The following ACAT2 variants were observed in gnomAD, a reference collection of about 807,000 sequenced individuals.
The protein encoded by ACAT2 is acetyl-CoA acetyltransferase 2.
In ACAT2, 26 loss-of-function variants were observed where a neutral mutation model predicts 37.1. That is an observed-to-expected ratio of 0.70 (90% CI 0.51 to 0.97). The LOEUF is 0.97. ACAT2 is among the 50% of genes least tolerant of loss of function. ACAT2 has a pLI of 0.00. For synonymous variants in ACAT2, 156 were observed against 163.6 expected, an observed-to-expected ratio of 0.95 and a Z score of 0.35; for missense variants, 468 against 489.0, an observed-to-expected ratio of 0.96 and a Z score of 0.40.
rs1562480029 is a variant in ACAT2, at chr6:159,777,335, TG to T, written c.792del (p.Met264IlefsTer14). The T allele has an allele frequency of 7.4e-6, 12 of 1,613,852 alleles. No homozygotes were observed. The highest frequency in any genetic ancestry group is 1.0e-5 in the Non-Finnish European group (12 of 1,179,920). On this transcript the variant is annotated frameshift_variant, in exon 7 of 9. Transcript: ENST00000367048. LOFTEE classifies it high-confidence loss of function. ...INDGAAAVVL[M>X]KKSEADKRGL... ...GATGGTGCTGCAGCTGTCGTTCTTA[TG>T]AAGAAGTCAGAAGCTGATAAACGTG...
intron 4 of ACAT2, among the ~76,000 whole-genome samples, chr6:159,771,890 G>A (rs1780342618): frequency 6.6e-6 from 1 of 152,030 alleles, no homozygotes; most frequent in Admixed American, 6.6e-5. Context: ...CTGCATTCCA[G>A]TCTGGTTAAC....
chr6:159,766,866 TGCCTCCAG>T, intron 2 of ACAT2, 131 bp from the exon 3 acceptor site: 1 of 898,584 alleles, frequency 1.1e-6, no homozygotes. Flanking sequence ...CAGGCCTTTT[TGCCTCCAG>T]TGGGCACTTA....
At chr6:159,775,341 C>A in intron 5 of ACAT2, 28 bp downstream of exon 5, 1 of 1,600,216 alleles carries the variant, frequency 6.2e-7, no homozygotes. Flanking sequence ...GTTTAAACAT[C>A]AACCTATTTA....
chr6:159,775,098 T>C (rs910357883), intron 4 of ACAT2, 72 bp from the exon 5 acceptor site: 2 of 1,542,998 alleles, frequency 1.3e-6, no homozygotes, highest in African/African-American at 2.7e-5. Context: ...CTTGGTCAAA[T>C]GTGGACGACT....
At chr6:159,769,706 A>G (rs942937452) in intron 4 of ACAT2, among the ~76,000 whole-genome samples, 7 of 152,222 alleles carry the variant, frequency 4.6e-5, no homozygotes, top group Admixed American at 1.3e-4. Flanking sequence ...TACCCAGGGC[A>G]CTTCCCAAAC....
At chr6:159,768,392 G>C (rs999662958) in intron 3 of ACAT2, 119 bp from the exon 4 acceptor site, 1 of 742,724 alleles carries the variant, frequency 1.3e-6, no homozygotes, top group Non-Finnish European at 2.3e-6. Flanking sequence ...GAACTGGGGA[G>C]AAGGGCTGCA....
intron 3 of ACAT2, 125 bp from the exon 4 acceptor site, chr6:159,768,384 ACT>A (rs1190061916): frequency 1.4e-6 from 1 of 709,732 alleles, no homozygotes; most frequent in African/African-American, 1.8e-5. Flanking sequence ...AGGACCTAGA[ACT>A]GGGGAGAAGG....
chr6:159,763,588 T>A (rs1001181003), intron 2 of ACAT2, among the ~76,000 whole-genome samples: 1 of 145,276 alleles, frequency 6.9e-6, no homozygotes, highest in Non-Finnish European at 1.5e-5. Flanking sequence ...TGAATGAACT[T>A]AGACCACTGA....
At position 159,775,488 on chromosome 6, in the gene ACAT2, G is replaced by A. The variant is rs559947141; in HGVS notation, c.634+175G>A. 94 of 696,778 alleles carry A rather than the reference G, an allele frequency of 1.3e-4. 1 individual carries two copies. In the South Asian group the frequency reaches 1.9e-3, roughly 14 times the overall value. The allele number at this position is 696,778 out of a possible 1,614,324, so 43.2% of individuals were successfully genotyped here. A position where few individuals can be genotyped will look rare whatever the true frequency, so the allele number is the denominator to read the frequency against. On this transcript the variant is annotated intron_variant, in intron 5 of 8. Coordinates refer to ENST00000367048, the MANE Select transcript of ACAT2 (RefSeq NM_005891.3). ...GGGTATGCTGGGTTTACAGGACACG[G>A]TAACATGGGACCTATGTCAGCACTC...
intron 7 of ACAT2, among the ~76,000 whole-genome samples, 153 bp from the exon 8 acceptor site, chr6:159,778,017 A>G (rs1362376736): frequency 2.6e-5 from 4 of 152,230 alleles, no homozygotes; most frequent in African/African-American, 9.6e-5. Flanking sequence ...CACTAAGGCA[A>G]AAATGTGTGA....
chr6:159,775,219 G>T lies in ACAT2; in HGVS notation c.540G>T (p.Lys180Asn). The T allele has an allele frequency of 6.2e-7, 1 of 1,614,180 alleles. No homozygotes were observed. Among genetic ancestry groups the T allele is most frequent in the East Asian group, 2.2e-5 (1 of 44,878 alleles). ...AAGTGAGTAGAGAAGATCAGGACAA[G>T]GTTGCAGTTCTGTCCCAGAACAGGA... The part of the protein sequence containing the change: ...KWQVSREDQD[K>N]VAVLSQNRTE... The change falls in exon 5 of 9, where the codon AAG becomes AAT. Residue 180 changes from lysine (K) to asparagine (N), a missense_variant. Physicochemically the swap from Lys to Asn is moderately conservative, Grantham distance 94. Coordinates refer to ENST00000367048, the MANE Select transcript of ACAT2 (RefSeq NM_005891.3).
At chr6:159,775,963 CAT>C (rs1375105809) in intron 5 of ACAT2, 185 bp from the exon 6 acceptor site, 2 of 580,920 alleles carry the variant, frequency 3.4e-6, no homozygotes, top group Non-Finnish European at 5.9e-6. Flanking sequence ...AGGACATACT[CAT>C]AAATTGTTTT....
At position 159,778,281 on chromosome 6, in the gene ACAT2, G is replaced by A; in HGVS notation, c.1023+1G>A. On this transcript the variant is annotated splice_donor_variant, in intron 8 of 8. Transcript: ENST00000367048. LOFTEE classifies it high-confidence loss of function. ...AGAACTTGGATTAAACCCAGAGAAGGTAAAGATGCACAAGTAACCCTGAGA... is the reference window on the plus strand; with the variant it reads ...AGAACTTGGATTAAACCCAGAGAAGATAAAGATGCACAAGTAACCCTGAGA... 6.3e-7 allele frequency: 1 copy of A among 1,590,772 alleles called. No homozygotes were observed.
At chr6:159,778,089 ATATT>A in intron 7 of ACAT2, 77 bp from the exon 8 acceptor site, 1 of 891,884 alleles carries the variant, frequency 1.1e-6, no homozygotes, top group Middle Eastern at 2.2e-4. Flanking sequence ...CATGCAGCAT[ATATT>A]TATGTTGACA....
Position 159,768,635 on chromosome 6 carries a change from C to T in ACAT2, c.490+7C>T, listed in dbSNP as rs1780291452. The T allele has an allele frequency of 1.3e-6, 2 of 1,572,716 alleles. No homozygotes were observed. The highest frequency in any genetic ancestry group is 2.2e-5 in the South Asian group (2 of 90,240). On this transcript the variant is annotated splice_region_variant and intron_variant, in intron 4 of 8. Transcript: ENST00000367048. The stretch of plus-strand genomic sequence containing the variant: ...TGTCATATGGGTATTACAGGTAAGG[C>T]AGACATGGCTGAAACTGTATTAGCT...
intron 2 of ACAT2, among the ~76,000 whole-genome samples, chr6:159,764,693 T>C (rs1417657520): frequency 1.3e-5 from 2 of 152,148 alleles, no homozygotes; most frequent in Non-Finnish European, 2.9e-5. Context: ...ACAATCATGG[T>C]GCACCATGCC....
chr6:159,770,337 A>G (rs962298100), intron 4 of ACAT2, among the ~76,000 whole-genome samples: 1 of 152,214 alleles, frequency 6.6e-6, no homozygotes, highest in Non-Finnish European at 1.5e-5. Context: ...ACCCTGCAAT[A>G]CTAGAATTAT....
chr6:159,762,436 C>A (rs1389327678), intron 1 of ACAT2: 1 of 1,359,376 alleles, frequency 7.4e-7, no homozygotes, highest in Non-Finnish European at 9.5e-7. Flanking sequence ...GGGAGGTGTT[C>A]TCCTCCGGGG....
chr6:159,776,189 G>A lies in ACAT2; in HGVS notation c.674G>A (p.Gly225Glu), dbSNP rs141999632. ...AAAACAGATGAGTTTCCTCGCCATG[G>A]GAGCAACATAGAAGCCATGTCCAAG... ...EVKTDEFPRH[G>E]SNIEAMSKLK... The change falls in exon 6 of 9, where the codon GGG becomes GAG. Residue 225 changes from glycine (G) to glutamate (E), a missense_variant. Physicochemically the swap from Gly to Glu is moderately conservative, Grantham distance 98. Coordinates refer to ENST00000367048, the MANE Select transcript of ACAT2 (RefSeq NM_005891.3). 1.4e-5 allele frequency: 23 copies of A among 1,613,938 alleles called. No homozygotes were observed. In the African/African-American group the frequency reaches 2.3e-4, roughly 16 times the overall value.
Sources: allele counts gnomAD v4.1 joint callset (sites outside exome capture counted in the v4.1 genomes callset), GRCh38; gene constraint gnomAD v4.1.1; transcripts MANE v1.5; gene names NCBI Gene and HGNC (gene_info 2026-07-23, HGNC 2026-07-21).